STKLD1: variants seen among roughly 807,000 people sequenced by gnomAD.
STKLD1 encodes the protein serine/threonine kinase like domain containing 1, also known as serine/threonine kinase-like domain-containing protein STKLD1.
A neutral mutation model predicts 80.4 loss-of-function variants in STKLD1; 79 were observed. That is an observed-to-expected ratio of 0.98 (90% confidence interval 0.82 to 1.19). The LOEUF is 1.19. STKLD1 is among the 50% of genes most tolerant of loss of function. The probability of loss-of-function intolerance (pLI) is 0.00; values close to 1 mark genes in which losing one functional copy is unlikely to be tolerated. For missense variants in STKLD1, 841 were observed against 856.0 expected, an observed-to-expected ratio of 0.98 and a Z score of 0.22; for synonymous variants, 393 against 357.6, an observed-to-expected ratio of 1.10 and a Z score of -1.12.
chr9:133,384,201 G>A lies in STKLD1; in HGVS notation c.219+301G>A. On this transcript the variant is annotated intron_variant, in intron 3 of 17. Coordinates refer to ENST00000371957, the MANE Select transcript of STKLD1 (RefSeq NM_153710.5). The surrounding 1 kb of genome is among the most constrained non-coding windows in gnomAD (Gnocchi z 4.3). The stretch of plus-strand genomic sequence containing the variant: ...CATTTGTAATCCCACCACTTTGGGA[G>A]GCCGAGGCGGGTGGATCACTTGAGG... 1 of 317,724 alleles carries A rather than the reference G, an allele frequency of 3.1e-6. No individual in the cohort carries two copies. The highest frequency in any genetic ancestry group is 3.6e-5 in the South Asian group (1 of 27,676). The allele number at this position is 317,724 out of a possible 1,614,324, so 19.7% of individuals were successfully genotyped here.
At chr9:133,401,135 TTTAG>T (rs1228975963) in intron 12 of STKLD1, among the ~76,000 whole-genome samples, 3 of 148,950 alleles carry the variant, frequency 2.0e-5, no homozygotes, top group African/African-American at 2.6e-5. Context: ...ACAAAAAGTA[TTTAG>T]TTACTTTTTT....
intron 1 of STKLD1, among the ~76,000 whole-genome samples, chr9:133,378,697 T>C (rs2130258353): frequency 1.3e-5 from 2 of 152,366 alleles, no homozygotes; most frequent in Admixed American, 6.5e-5. Context: ...ATGCTGGAAG[T>C]TGAGGTCACA....
At chr9:133,401,137 T>C (rs1309269473) in intron 12 of STKLD1, among the ~76,000 whole-genome samples, 1 of 148,488 alleles carries the variant, frequency 6.7e-6, no homozygotes, top group Non-Finnish European at 1.5e-5. Flanking sequence ...AAAAAGTATT[T>C]AGTTACTTTT....
intron 2 of STKLD1, among the ~76,000 whole-genome samples, chr9:133,383,108 G>GTGGTGA (rs1838179878): frequency 6.8e-6 from 1 of 147,870 alleles, no homozygotes; most frequent in Non-Finnish European, 1.5e-5. Context: ...AGTGGTGGTG[G>GTGGTGA]TGGTGATGGT....
Position 133,389,255 on chromosome 9 carries a change from T to G in STKLD1, c.397-271T>G. ...CGGGCCACAGAGTAGGGTGCAGGGA[T>G]GGGGCCCCTGCAGCACCCAGGGTCT... On this transcript the variant is annotated intron_variant, in intron 5 of 17. Transcript: ENST00000371957. This position sits in a 1 kb window ranked among gnomAD's most constrained non-coding sequence, Gnocchi z 6.4. 1 of 985,322 alleles carries G rather than the reference T, an allele frequency of 1.0e-6. No homozygotes were observed. The highest frequency in any genetic ancestry group is 1.2e-6 in the Non-Finnish European group (1 of 829,902). 61.0% of individuals were successfully genotyped at this position (985,322 alleles called of 1,614,324 possible).
chr9:133,387,576 G>T (rs2130280077), intron 5 of STKLD1, 28 bp downstream of exon 5: 1 of 1,583,016 alleles, frequency 6.3e-7, no homozygotes, highest in Non-Finnish European at 8.7e-7. Flanking sequence ...ACCAGGCCTG[G>T]GGGCCACCTA....
At chr9:133,401,713 A>T (rs1838710873) in intron 12 of STKLD1, 25 bp from the exon 13 acceptor site, 2 of 1,604,812 alleles carry the variant, frequency 1.2e-6, no homozygotes, top group Admixed American at 3.4e-5. Context: ...GGCTAACCCC[A>T]GGCGTCTTCC....
Position 133,400,529 on chromosome 9 carries a change from G to T in STKLD1, c.1198G>T (p.Ala400Ser). Residue 400 changes from alanine (A) to serine (S), a missense_variant and splice_region_variant, in exon 12 of 18, where the codon GCG becomes TCG. Coordinates refer to ENST00000371957, the MANE Select transcript of STKLD1 (RefSeq NM_153710.5). Reference protein sequence around the residue: ...CSLLLHLLGQALVHHPEAKAP... With the variant: ...CSLLLHLLGQSLVHHPEAKAP... ...CCTGCTGCTGCACCTCCTGGGCCAA[G>T]GTGGGTGCCAAACCAGGCCAGATGG... The T allele has an allele frequency of 6.2e-7, 1 of 1,610,018 alleles. No individual in the cohort carries two copies.
chr9:133,388,605 G>A (rs2130282592), intron 5 of STKLD1: 15 of 321,232 alleles, frequency 4.7e-5, no homozygotes, highest in Admixed American at 1.9e-4. Flanking sequence ...AATGGAGTTC[G>A]CTTTCCCAAT....
intron 16 of STKLD1, among the ~76,000 whole-genome samples, chr9:133,404,334 T>C (rs587767229): frequency 1.3e-5 from 2 of 152,278 alleles, no homozygotes; most frequent in South Asian, 2.1e-4. Flanking sequence ...ACACCGTGAC[T>C]GATCAAAACA....
rs886650714 is a variant in STKLD1, at chr9:133,405,274, G to A, written c.1896G>A (p.Val632=). 8 of 1,611,462 alleles carry A rather than the reference G, an allele frequency of 5.0e-6. No individual in the cohort carries two copies. In the African/African-American group the frequency reaches 8.0e-5, roughly 16 times the overall value. The change falls in exon 18 of 18, where the codon GTG becomes GTA. Residue 632 remains valine, a synonymous_variant. Coordinates refer to ENST00000371957, the MANE Select transcript of STKLD1 (RefSeq NM_153710.5). ...CAGAGGAGATCCTGCCGGAGCTGGTGTCCAGTAGTATGAAGGCCCTGCTCC... is the reference window on the plus strand; with the variant it reads ...CAGAGGAGATCCTGCCGGAGCTGGTATCCAGTAGTATGAAGGCCCTGCTCC... ...ASYEEILPEL[V]SSSMKALLQE...
chr9:133,388,677 A>C, intron 5 of STKLD1: 1 of 884,454 alleles, frequency 1.1e-6, no homozygotes, highest in Non-Finnish European at 1.4e-6. Flanking sequence ...AAGATCATGA[A>C]GATACTCTCC....
At chr9:133,403,653 C>A in intron 14 of STKLD1, 47 bp from the exon 15 acceptor site, 2 of 1,590,262 alleles carry the variant, frequency 1.3e-6, no homozygotes, top group Non-Finnish European at 1.7e-6. Context: ...CCCCCCTGCA[C>A]ACACCCAAGG....
At chr9:133,403,338 C>T (rs201154169) in intron 14 of STKLD1, among the ~76,000 whole-genome samples, 1 of 140,566 alleles carries the variant, frequency 7.1e-6, no homozygotes, top group Admixed American at 6.7e-5. Context: ...CAGAGGGCAG[C>T]GGTGGTGTGG....
At chr9:133,393,200 A>G (rs1838454166) in intron 7 of STKLD1, among the ~76,000 whole-genome samples, 1 of 116,978 alleles carries the variant, frequency 8.5e-6, no homozygotes, top group Non-Finnish European at 1.8e-5. Flanking sequence ...GCATGGATGG[A>G]TGGATGGATG....
chr9:133,397,470 C>T (rs1402160365), intron 10 of STKLD1, among the ~76,000 whole-genome samples, 176 bp downstream of exon 10: 3 of 152,160 alleles, frequency 2.0e-5, no homozygotes, highest in Non-Finnish European at 2.9e-5. Flanking sequence ...CCCAGGACAC[C>T]GCTCTGCTCA....
At chr9:133,383,247 T>C (rs1344044741) in intron 2 of STKLD1, among the ~76,000 whole-genome samples, 232 of 36,954 alleles carry the variant, frequency 6.3e-3, no homozygotes, top group Non-Finnish European at 0.011. Flanking sequence ...ATGATGGTGA[T>C]GGTGGTGGTG....
chr9:133,385,058 C>T lies in STKLD1; in HGVS notation c.220-559C>T, dbSNP rs921596591. On this transcript the variant is annotated intron_variant, in intron 3 of 17. Coordinates refer to ENST00000371957, the MANE Select transcript of STKLD1 (RefSeq NM_153710.5). The surrounding 1 kb of genome is among the most constrained non-coding windows in gnomAD (Gnocchi z 4.9). The stretch of plus-strand genomic sequence containing the variant: ...GGGCCTGCCCAGAGCCGCACGCCGC[C>T]GTGGCTTTTCACGTTGCCGATTCCC... 4.6e-5 allele frequency among the ~76,000 whole-genome samples: 7 copies of T among 152,324 alleles called. No individual in the cohort carries two copies. Among genetic ancestry groups the T allele is most frequent in the East Asian group, 1.9e-4 (1 of 5,168 alleles).
intron 14 of STKLD1, 67 bp from the exon 15 acceptor site, chr9:133,403,633 G>A (rs1164969083): frequency 2.9e-5 from 45 of 1,553,600 alleles, no homozygotes; most frequent in Non-Finnish European, 3.7e-5. Flanking sequence ...GCAGATGGGG[G>A]ATGGGAAGGC....
Sources: allele counts gnomAD v4.1 joint callset (sites outside exome capture counted in the v4.1 genomes callset), GRCh38; gene constraint gnomAD v4.1.1; non-coding constraint Gnocchi (gnomAD v3.1); transcripts MANE v1.5; gene names NCBI Gene and HGNC (gene_info 2026-07-23, HGNC 2026-07-21).